The following ESRRB variants were observed in gnomAD, a reference collection of about 807,000 sequenced individuals.
ESRRB encodes estrogen related receptor beta, also known as steroid hormone receptor ERR2.
A neutral mutation model predicts 46.0 loss-of-function variants in ESRRB; 16 were observed. The observed-to-expected ratio is 0.35, with a 90% CI of 0.24 to 0.53. The LOEUF is 0.53. ESRRB is among the 20% of genes least tolerant of loss of function. ESRRB has a pLI of 0.93. For synonymous variants in ESRRB, 246 were observed against 259.6 expected, an observed-to-expected ratio of 0.95 and a Z score of 0.50; for missense variants, 488 against 607.4, an observed-to-expected ratio of 0.80 and a Z score of 2.07.
At chr14:76,324,278 A>G (rs1442100223) in intron 1 of ESRRB, among the ~76,000 whole-genome samples, 1 of 152,174 alleles carries the variant, frequency 6.6e-6, no homozygotes, top group Non-Finnish European at 1.5e-5. Context: ...CCCCAAGTCA[A>G]TCAGTCATTG....
intron 2 of ESRRB, among the ~76,000 whole-genome samples, chr14:76,458,837 C>CT (rs1397202257): frequency 6.1e-5 from 9 of 147,074 alleles, no homozygotes; most frequent in African/African-American, 2.3e-4. Flanking sequence ...TGTTCACCCT[C>CT]TCCTTTTTTT....
At chr14:76,489,106 C>T (rs1292323560) in intron 5 of ESRRB, among the ~76,000 whole-genome samples, 1 of 151,948 alleles carries the variant, frequency 6.6e-6, no homozygotes, top group Non-Finnish European at 1.5e-5. Context: ...GGACTTTTCC[C>T]CTGCGTTTCC....
chr14:76,414,835 G>A (rs1462368071), intron 1 of ESRRB, among the ~76,000 whole-genome samples: 1 of 152,122 alleles, frequency 6.6e-6, no homozygotes, highest in Non-Finnish European at 1.5e-5. Flanking sequence ...AGTGGCTTGT[G>A]GTGGCTGTGT....
At position 76,445,684 on chromosome 14, in the gene ESRRB, CTT is replaced by C. The variant is rs940535821; in HGVS notation, c.460+5951_460+5952del. Among the ~76,000 whole-genome samples, 23 of 130,608 alleles carry C rather than the reference CTT, an allele frequency of 1.8e-4. No individual in the cohort carries two copies. In the South Asian group the frequency reaches 2.5e-3, roughly 14 times the overall value. 85.7% of individuals were successfully genotyped at this position (130,608 alleles called of 152,430 possible). A position where few individuals can be genotyped will look rare whatever the true frequency, so the allele number is the denominator to read the frequency against. On this transcript the variant is annotated intron_variant, in intron 2 of 6. Transcript: ENST00000644823. ...ACCGAGTCATTCCTTCTCCACCAATCTTTTTTTTTTTTTTTTTTGAGACAGAG... is the reference window on the plus strand; with the variant it reads ...ACCGAGTCATTCCTTCTCCACCAATCTTTTTTTTTTTTTTTTGAGACAGAG...
At chr14:76,387,600 A>G (rs1885292431) in intron 1 of ESRRB, among the ~76,000 whole-genome samples, 1 of 152,004 alleles carries the variant, frequency 6.6e-6, no homozygotes, top group African/African-American at 2.4e-5. Context: ...ACACCTACAC[A>G]CCACACACTC....
intron 1 of ESRRB, among the ~76,000 whole-genome samples, chr14:76,400,945 T>A (rs568615189): frequency 6.6e-6 from 1 of 152,294 alleles, no homozygotes; most frequent in Non-Finnish European, 1.5e-5. Flanking sequence ...TGTGGTCCTC[T>A]CGCTCTCCCT....
intron 1 of ESRRB, among the ~76,000 whole-genome samples, chr14:76,365,749 C>A (rs1455629752): frequency 1.6e-4 from 25 of 152,172 alleles, no homozygotes; most frequent in Non-Finnish European, 2.9e-5. Flanking sequence ...TCAACAGCAA[C>A]TGCAAAAATT....
intron 3 of ESRRB, among the ~76,000 whole-genome samples, chr14:76,465,047 C>T (rs1362510173): frequency 6.6e-6 from 1 of 152,136 alleles, no homozygotes; most frequent in Admixed American, 6.5e-5. Context: ...GCCACTTGGT[C>T]ACAGCGTGCA....
At chr14:76,338,408 C>T (rs772620676) in intron 1 of ESRRB, among the ~76,000 whole-genome samples, 1 of 152,114 alleles carries the variant, frequency 6.6e-6, no homozygotes, top group Non-Finnish European at 1.5e-5. Context: ...CCAGGAGAGC[C>T]GGGTGAGCTA....
chr14:76,446,085 C>G (rs1410498124), intron 2 of ESRRB, among the ~76,000 whole-genome samples: 1 of 152,200 alleles, frequency 6.6e-6, no homozygotes, highest in Non-Finnish European at 1.5e-5. Context: ...TGTAAGCCAG[C>G]CACCCTTGGT....
chr14:76,362,770 G>T (rs1884479046), intron 1 of ESRRB, among the ~76,000 whole-genome samples: 1 of 152,200 alleles, frequency 6.6e-6, no homozygotes, highest in Non-Finnish European at 1.5e-5. Flanking sequence ...CTTCCTGGGG[G>T]TGGGGGTGAA....
rs189833121 is a variant in ESRRB at position 76,398,588 on chromosome 14, G to A, written c.50+22137G>A. On this transcript the variant is annotated intron_variant, in intron 1 of 6. Coordinates refer to ENST00000644823, the MANE Select transcript of ESRRB (RefSeq NM_001379180.1). ...GTGCAGTGGGTGGAAGGAGGGTAGG[G>A]CTGTGGGGGAAGGGGTCAGAGGAGA... Among the ~76,000 whole-genome samples, 22 of 152,274 alleles carry A rather than the reference G, an allele frequency of 1.4e-4. No individual in the cohort carries two copies. In the East Asian group the frequency reaches 4.2e-3, roughly 29 times the overall value.
intron 3 of ESRRB, among the ~76,000 whole-genome samples, chr14:76,467,197 A>T (rs538402434): frequency 6.6e-6 from 1 of 152,076 alleles, no homozygotes; most frequent in African/African-American, 2.4e-5. Flanking sequence ...TGATGCGTTA[A>T]AATACTCCAG....
intron 1 of ESRRB, among the ~76,000 whole-genome samples, chr14:76,337,565 G>A (rs1386006251): frequency 6.6e-6 from 1 of 152,172 alleles, no homozygotes; most frequent in South Asian, 2.1e-4. Context: ...GGCGGGGGCT[G>A]GATGGGGAAG....
At chr14:76,400,029 C>G (rs938340624) in intron 1 of ESRRB, among the ~76,000 whole-genome samples, 1 of 152,196 alleles carries the variant, frequency 6.6e-6, no homozygotes, top group Non-Finnish European at 1.5e-5. Context: ...ACCAGCCAAA[C>G]CTGCAAATTA....
intron 1 of ESRRB, among the ~76,000 whole-genome samples, chr14:76,403,982 G>C (rs1886055497): frequency 6.6e-6 from 1 of 152,150 alleles, no homozygotes; most frequent in Non-Finnish European, 1.5e-5. Flanking sequence ...GCCTCCCAAA[G>C]TGCTGGGATT....
chr14:76,397,008 G>T (rs1885716349), intron 1 of ESRRB, among the ~76,000 whole-genome samples: 1 of 152,176 alleles, frequency 6.6e-6, no homozygotes, highest in African/African-American at 2.4e-5. Context: ...CAGCCGCCCG[G>T]GCACGGACTG....
chr14:76,322,376 G>A (rs1036856958), intron 1 of ESRRB, among the ~76,000 whole-genome samples: 12 of 152,204 alleles, frequency 7.9e-5, no homozygotes, highest in African/African-American at 2.9e-4. Context: ...CTAATCTGCA[G>A]GTTTAGACTT....
intron 1 of ESRRB, among the ~76,000 whole-genome samples, chr14:76,393,831 C>T (rs1448740970): frequency 3.3e-5 from 5 of 152,140 alleles, no homozygotes; most frequent in East Asian, 1.9e-4. Flanking sequence ...GACAGAGTCT[C>T]GTTCTGTCAC....
Sources: allele counts gnomAD v4.1 joint callset (sites outside exome capture counted in the v4.1 genomes callset), GRCh38; gene constraint gnomAD v4.1.1; transcripts MANE v1.5; gene names NCBI Gene and HGNC (gene_info 2026-07-23, HGNC 2026-07-21).